The following IL1RAPL1 variants were observed in gnomAD, a reference collection of about 807,000 sequenced individuals.
IL1RAPL1 encodes the protein interleukin-1 receptor accessory protein-like 1.
IL1RAPL1 carries 3 observed loss-of-function variants against 48.4 expected under a neutral mutation model. The ratio of observed to expected loss-of-function variants is 0.06; its 90% CI spans 0.03 to 0.16. IL1RAPL1 has a LOEUF of 0.16. Among genes scored for constraint, IL1RAPL1 ranks in the 10% least tolerant of loss-of-function variants. The probability of loss-of-function intolerance (pLI) is 1.00; values close to 1 mark genes in which losing one functional copy is unlikely to be tolerated. For synonymous variants in IL1RAPL1, 185 were observed against 187.7 expected (o/e 0.99, Z 0.12); for missense variants, 349 against 530.6 (o/e 0.66, Z 3.36).
chrX:29,881,175 T>G (rs1932022395), intron 6 of IL1RAPL1, among the ~76,000 whole-genome samples: 1 of 110,922 alleles, frequency 9.0e-6, no homozygotes, highest in African/African-American at 3.3e-5. Flanking sequence ...CGGTTCTACT[T>G]TTTCAATACT....
At chrX:29,940,446 AATTACAGAATCAAGAATAACATT>A (rs1933108872) in intron 8 of IL1RAPL1, among the ~76,000 whole-genome samples, 1 of 111,685 alleles carries the variant, frequency 9.0e-6, no homozygotes, top group Non-Finnish European at 1.9e-5. Context: ...GTGGATTCTG[AATTACAGAATCAAGAATAACATT>A]ATTTTACAGC....
At chrX:29,762,079 T>G (rs1214635088) in intron 6 of IL1RAPL1, among the ~76,000 whole-genome samples, 1 of 111,971 alleles carries the variant, frequency 8.9e-6, no homozygotes, top group African/African-American at 3.2e-5. Context: ...GCAATCTAAA[T>G]ATATAATTAA....
At chrX:29,658,499 T>C (rs1316083034) in intron 5 of IL1RAPL1, among the ~76,000 whole-genome samples, 1 of 112,280 alleles carries the variant, frequency 8.9e-6, no homozygotes, top group Non-Finnish European at 1.9e-5. Flanking sequence ...ACTCATGTGT[T>C]AGGACACTAC....
intron 5 of IL1RAPL1, among the ~76,000 whole-genome samples, chrX:29,526,305 C>G (rs1424691040): frequency 9.0e-6 from 1 of 111,305 alleles, no homozygotes; most frequent in Non-Finnish European, 1.9e-5. Flanking sequence ...CTATGACCAC[C>G]TGGGTTTGAT....
At chrX:29,662,822 T>G (rs1342556458) in intron 5 of IL1RAPL1, among the ~76,000 whole-genome samples, 1 of 111,722 alleles carries the variant, frequency 9.0e-6, no homozygotes, top group Admixed American at 9.5e-5. Flanking sequence ...TCCCCGCACC[T>G]TTCTGTTCAG....
intron 5 of IL1RAPL1, among the ~76,000 whole-genome samples, chrX:29,512,852 A>C (rs1935407440): frequency 8.9e-6 from 1 of 112,193 alleles, no homozygotes; most frequent in Non-Finnish European, 1.9e-5. Flanking sequence ...CCAAACATTT[A>C]TAGCATCTTT....
rs1226510414 is a variant in IL1RAPL1, at chrX:29,802,787, GTGTGTA to G, written c.779-114675_779-114670del. Among the ~76,000 whole-genome samples the G allele has an allele frequency of 4.3e-3, 109 of 25,546 alleles. 2 individuals carry two copies. Among genetic ancestry groups the G allele is most frequent in the African/African-American group, 0.011 (81 of 7,215 alleles). The allele number at this position is 25,546 out of a possible 115,157, so 22.2% of individuals were successfully genotyped here. ...TATATATATATATATATATATGTGT[GTGTGTA>G]TATATATATATATATATGTGTGTAT... On this transcript the variant is annotated intron_variant, in intron 6 of 10. Coordinates refer to ENST00000378993, the MANE Select transcript of IL1RAPL1 (RefSeq NM_014271.4).
chrX:29,471,913 G>T (rs1934926241), intron 5 of IL1RAPL1, among the ~76,000 whole-genome samples: 1 of 111,143 alleles, frequency 9.0e-6, no homozygotes, highest in Non-Finnish European at 1.9e-5. Context: ...TATTCCATTG[G>T]GTATACCAAA....
intron 8 of IL1RAPL1, among the ~76,000 whole-genome samples, chrX:29,934,752 A>G (rs981682195): frequency 8.9e-6 from 1 of 111,925 alleles, no homozygotes; most frequent in African/African-American, 3.2e-5. Context: ...AGACACTGAA[A>G]CTAAATTCTT....
At chrX:29,203,722 A>AATATAGATATAT (rs1419764371) in intron 2 of IL1RAPL1, among the ~76,000 whole-genome samples, 7 of 78,424 alleles carry the variant, frequency 8.9e-5, no homozygotes, top group African/African-American at 3.2e-4. Context: ...TCCGTCTCAA[A>AATATAGATATAT]ATATATATAT....
chrX:29,805,663 A>T (rs1371747721), intron 6 of IL1RAPL1, among the ~76,000 whole-genome samples: 1 of 111,742 alleles, frequency 8.9e-6, no homozygotes, highest in East Asian at 2.8e-4. Context: ...TTTCCACTTC[A>T]AAAGATAAAA....
rs1936659178 is a variant in IL1RAPL1, at chrX:28,800,398, A to G, written c.82+10973A>G. ...TGTTCACACTGCAAATGTCAAAGCA[A>G]GAGGTATGGATTTTGAAATTGTCCT... On this transcript the variant is annotated intron_variant, in intron 2 of 10. Transcript: ENST00000378993. 1.8e-5 allele frequency among the ~76,000 whole-genome samples: 2 copies of G among 112,001 alleles called. 1 individual carries two copies. The highest frequency in any genetic ancestry group is 7.5e-4 in the South Asian group (2 of 2,672).
intron 3 of IL1RAPL1, among the ~76,000 whole-genome samples, chrX:29,296,906 A>G (rs934860748): frequency 1.8e-5 from 2 of 111,990 alleles, no homozygotes; most frequent in Admixed American, 9.5e-5. Context: ...GCCTAGATTT[A>G]TGTTGGTTTT....
chrX:29,851,110 G>T (rs749102428), intron 6 of IL1RAPL1, among the ~76,000 whole-genome samples: 9 of 111,528 alleles, frequency 8.1e-5, no homozygotes, highest in Non-Finnish European at 1.7e-4. Context: ...TGGGGCAGTG[G>T]CATAAACAAA....
chrX:29,512,092 T>TCA (rs762617832), intron 5 of IL1RAPL1, among the ~76,000 whole-genome samples: 1 of 107,867 alleles, frequency 9.3e-6, no homozygotes, highest in African/African-American at 3.4e-5. Context: ...GTTATCTTTA[T>TCA]TATATATATA....
intron 1 of IL1RAPL1, among the ~76,000 whole-genome samples, chrX:28,719,795 T>A (rs972196991): frequency 9.0e-6 from 1 of 111,159 alleles, no homozygotes; most frequent in Admixed American, 9.6e-5. Flanking sequence ...TGGAGCAGAT[T>A]AAAGGTCAGG....
intron 5 of IL1RAPL1, among the ~76,000 whole-genome samples, chrX:29,477,468 G>A (rs964423424): frequency 7.2e-5 from 8 of 111,630 alleles, no homozygotes; most frequent in African/African-American, 2.3e-4. Flanking sequence ...CTATATCCTC[G>A]TAAGCACACT....
intron 1 of IL1RAPL1, among the ~76,000 whole-genome samples, chrX:28,639,320 T>C (rs1934506470): frequency 8.9e-6 from 1 of 112,048 alleles, no homozygotes; most frequent in African/African-American, 3.2e-5. Context: ...AGTTTAGCCA[T>C]GGTGTGTATA....
chrX:28,606,956 G>A (rs757107890), intron 1 of IL1RAPL1, among the ~76,000 whole-genome samples: 3 of 111,048 alleles, frequency 2.7e-5, no homozygotes, highest in Non-Finnish European at 3.8e-5. Flanking sequence ...TTTAGTGTGC[G>A]GGATTCAATA....
Sources: allele counts gnomAD v4.1 joint callset (sites outside exome capture counted in the v4.1 genomes callset), GRCh38; gene constraint gnomAD v4.1.1; transcripts MANE v1.5; gene names NCBI Gene and HGNC (gene_info 2026-07-23, HGNC 2026-07-21).